Variants in TMEM94 observed in about 807,000 individuals in gnomAD.
TMEM94 encodes the protein transmembrane protein 94.
In TMEM94, 81 loss-of-function variants were observed where a neutral mutation model predicts 158.6. The observed-to-expected ratio is 0.51, with a 90% confidence interval of 0.43 to 0.61. The LOEUF is 0.61. TMEM94 is among the 20% of genes least tolerant of loss of function. TMEM94 has a pLI of 0.00. For missense variants in TMEM94, 1,435 were observed against 1,762.0 expected (o/e 0.81, Z 3.32); for synonymous variants, 751 against 730.7 (o/e 1.03, Z -0.45).
In TMEM94 at chr17:75,490,576, C is replaced by T. The variant is rs1158543335; in HGVS notation, c.1072-126C>T. 1.8e-5 allele frequency: 17 copies of T among 932,162 alleles called. No individual in the cohort carries two copies. In the East Asian group the frequency reaches 2.1e-4, roughly 11 times the overall value. 57.7% of individuals were successfully genotyped at this position (932,162 alleles called of 1,614,324 possible). On this transcript the variant is annotated intron_variant, in intron 10 of 31. Transcript: ENST00000314256. ...GCTTCCACCAGGTGGGGAGTCAGAA[C>T]GGCCTGGGCCCTTTACCAAAGGGGT...
chr17:75,470,324 A>G (rs115426872), intron 1 of TMEM94, among the ~76,000 whole-genome samples: 199 of 151,884 alleles, frequency 1.3e-3, no homozygotes, highest in African/African-American at 4.5e-3. Context: ...ATTAAAAAAA[A>G]TAATAATAGG....
intron 1 of TMEM94, among the ~76,000 whole-genome samples, chr17:75,469,348 T>A (rs2050415464): frequency 7.4e-6 from 1 of 134,332 alleles, no homozygotes; most frequent in African/African-American, 2.7e-5. Flanking sequence ...ACCCTAAATT[T>A]TTTTTTTTTT....
chr17:75,458,712 G>A (rs1295088325), intron 1 of TMEM94, among the ~76,000 whole-genome samples: 2 of 148,540 alleles, frequency 1.3e-5, no homozygotes, highest in Non-Finnish European at 3.0e-5. Flanking sequence ...AAAAAAAAGA[G>A]TCATGGAATC....
In TMEM94 at chr17:75,491,481, C is replaced by T. The variant is rs1400732357; in HGVS notation, c.1386+26C>T. On this transcript the variant is annotated intron_variant, in intron 13 of 31. Transcript: ENST00000314256. The surrounding 1 kb of genome is among the most constrained non-coding windows in gnomAD (Gnocchi z 5.1). Reference sequence around the variant, plus strand: ...GTAGAGGAGGAGGTACGGCCGGCTCCCATGGGCCCGACTCTGGGCCAGGCT... The same window carrying T: ...GTAGAGGAGGAGGTACGGCCGGCTCTCATGGGCCCGACTCTGGGCCAGGCT... 3 of 1,613,810 alleles carry T rather than the reference C, an allele frequency of 1.9e-6. No individual in the cohort carries two copies. Among genetic ancestry groups the T allele is most frequent in the Admixed American group, 3.3e-5 (2 of 60,034 alleles).
At position 75,463,180 on chromosome 17, in the gene TMEM94, A is replaced by G. The variant is rs201698023; in HGVS notation, c.-107+6429A>G. On this transcript the variant is annotated intron_variant, in intron 1 of 31. Transcript: ENST00000314256. Reference sequence around the variant, plus strand: ...TATATATGTGTGTGTGTGTGTGTGTATATATATATATATATATACAGTTTA... The same window carrying G: ...TATATATGTGTGTGTGTGTGTGTGTGTATATATATATATATATACAGTTTA... Among the ~76,000 whole-genome samples, 87 of 15,664 alleles carry G rather than the reference A, an allele frequency of 5.6e-3. 13 individuals carry two copies. Among genetic ancestry groups the G allele is most frequent in the Middle Eastern group, 0.033 (1 of 30 alleles). 10.3% of individuals were successfully genotyped at this position (15,664 alleles called of 152,430 possible).
At chr17:75,479,381 G>A (rs376418271) in intron 2 of TMEM94, among the ~76,000 whole-genome samples, 4 of 152,010 alleles carry the variant, frequency 2.6e-5, no homozygotes, top group African/African-American at 7.2e-5. Context: ...GTACAGTGGC[G>A]CAATCTCGGC....
At chr17:75,476,597 C>T in intron 2 of TMEM94, 12 of 1,513,246 alleles carry the variant, frequency 7.9e-6, no homozygotes, top group Non-Finnish European at 1.1e-5. Flanking sequence ...TCTCTTCTCT[C>T]CTCTTCTCTC....
chr17:75,475,739 C>T (rs2050660040), intron 2 of TMEM94, among the ~76,000 whole-genome samples: 1 of 152,142 alleles, frequency 6.6e-6, no homozygotes, highest in African/African-American at 2.4e-5. Context: ...CCTCATGGGC[C>T]CAGCAGCACT....
At chr17:75,483,845 C>T (rs780351604) in intron 2 of TMEM94, among the ~76,000 whole-genome samples, 7 of 152,056 alleles carry the variant, frequency 4.6e-5, no homozygotes, top group African/African-American at 1.7e-4. Context: ...TTCAGGGTAG[C>T]GGTCAGACTT....
At chr17:75,482,039 A>C (rs1019036968) in intron 2 of TMEM94, among the ~76,000 whole-genome samples, 2 of 151,062 alleles carry the variant, frequency 1.3e-5, no homozygotes, top group Admixed American at 6.6e-5. Flanking sequence ...TCGAGGCCCC[A>C]TCTCTACAAA....
rs535930967 is a variant in TMEM94, at chr17:75,463,541, G to A, written c.-107+6790G>A. 5.4e-4 allele frequency among the ~76,000 whole-genome samples: 82 copies of A among 152,148 alleles called. No homozygotes were observed. The South Asian group carries it at 0.011, about 20-fold the overall frequency. On this transcript the variant is annotated intron_variant, in intron 1 of 31. Transcript: ENST00000314256. ...ACATGTACAGAAATCAGACTTCCTC[G>A]TCTGTTGTTAGGGACACAGGTATCT...
At chr17:75,469,489 C>T (rs952394197) in intron 1 of TMEM94, among the ~76,000 whole-genome samples, 1 of 151,378 alleles carries the variant, frequency 6.6e-6, no homozygotes, top group Non-Finnish European at 1.5e-5. Flanking sequence ...GGATTACAGG[C>T]GCCCACCACC....
intron 1 of TMEM94, among the ~76,000 whole-genome samples, chr17:75,468,161 A>G (rs751356375): frequency 5.3e-5 from 8 of 152,128 alleles, no homozygotes; most frequent in Non-Finnish European, 8.8e-5. Context: ...GCTTTTTTTC[A>G]CAATGGGCTA....
chr17:75,488,347 A>C (rs930350576), intron 6 of TMEM94, among the ~76,000 whole-genome samples: 14 of 151,922 alleles, frequency 9.2e-5, no homozygotes, highest in Non-Finnish European at 2.1e-4. Context: ...CACGATCTCA[A>C]CTCACTGAAG....
intron 1 of TMEM94, among the ~76,000 whole-genome samples, chr17:75,469,178 G>A (rs1482516776): frequency 6.6e-6 from 1 of 152,130 alleles, no homozygotes. Flanking sequence ...CTGCGGGCTT[G>A]CACATGCTGG....
intron 2 of TMEM94, among the ~76,000 whole-genome samples, chr17:75,479,293 G>A (rs10852763): frequency 1 from 152,152 of 152,152 alleles, 76,076 homozygotes; most frequent in Non-Finnish European, 1. Flanking sequence ...AAGACCTCAT[G>A]TCTACAAAAA....
chr17:75,480,618 A>G (rs1194348092), intron 2 of TMEM94, among the ~76,000 whole-genome samples: 1 of 152,214 alleles, frequency 6.6e-6, no homozygotes, highest in Non-Finnish European at 1.5e-5. Flanking sequence ...TGAATGTCCA[A>G]GATCTTCAGG....
intron 2 of TMEM94, among the ~76,000 whole-genome samples, chr17:75,473,111 AG>A (rs1409239511): frequency 6.6e-6 from 1 of 152,132 alleles, no homozygotes; most frequent in African/African-American, 2.4e-5. Flanking sequence ...GATCTTGGGA[AG>A]GTCTAGAGAG....
At position 75,499,169 on chromosome 17, in the gene TMEM94, G is replaced by A. The variant is rs150975472; in HGVS notation, c.3998+87G>A. 1,190 of 1,587,974 alleles carry A rather than the reference G, an allele frequency of 7.5e-4. 10 individuals are homozygous for A. The African/African-American group carries it at 0.013, about 17-fold the overall frequency. On this transcript the variant is annotated intron_variant, in intron 31 of 31. Coordinates refer to ENST00000314256, the MANE Select transcript of TMEM94 (RefSeq NM_014738.6). ...CTTGGCGACACTCCCCCACCTTTCCGCTGCCCATCCCTCCCTCCTCCTCTG... is the reference window on the plus strand; with the variant it reads ...CTTGGCGACACTCCCCCACCTTTCCACTGCCCATCCCTCCCTCCTCCTCTG...
Sources: allele counts gnomAD v4.1 joint callset (sites outside exome capture counted in the v4.1 genomes callset), GRCh38; gene constraint gnomAD v4.1.1; non-coding constraint Gnocchi (gnomAD v3.1); transcripts MANE v1.5; gene names NCBI Gene and HGNC (gene_info 2026-07-23, HGNC 2026-07-21).